The following PIGU variants were observed in gnomAD, a reference collection of about 807,000 sequenced individuals.
PIGU encodes phosphatidylinositol glycan anchor biosynthesis class U.
In PIGU, 24 loss-of-function variants were observed where a neutral mutation model predicts 49.9. The observed-to-expected ratio is 0.48, with a 90% CI of 0.35 to 0.68. PIGU has a LOEUF of 0.68. Among genes scored for constraint, PIGU ranks in the 30% least tolerant of loss-of-function variants. The pLI, the probability that PIGU is intolerant of heterozygous loss-of-function variation, is 0.01. For missense variants in PIGU, 490 were observed against 532.6 expected, an observed-to-expected ratio of 0.92 and a Z score of 0.79; for synonymous variants, 220 against 205.7, an observed-to-expected ratio of 1.07 and a Z score of -0.59.
At chr20:34,571,593 G>T (rs1983015048) in intron 11 of PIGU, among the ~76,000 whole-genome samples, 1 of 152,106 alleles carries the variant, frequency 6.6e-6, no homozygotes, top group South Asian at 2.1e-4. Context: ...CTCACAGCAG[G>T]ATATGGAACT....
intron 8 of PIGU, 84 bp from the exon 9 acceptor site, chr20:34,585,664 G>C: frequency 6.7e-7 from 1 of 1,495,700 alleles, no homozygotes; most frequent in Non-Finnish European, 9.1e-7. Flanking sequence ...TGAAGACTTT[G>C]GTCACTGCTG....
chr20:34,568,321 C>A (rs1473034461), intron 11 of PIGU, among the ~76,000 whole-genome samples: 2 of 152,132 alleles, frequency 1.3e-5, no homozygotes, highest in Non-Finnish European at 2.9e-5. Flanking sequence ...ATGCTCAGTG[C>A]TGGAAGGACA....
At chr20:34,591,259 AAC>A (rs1434221731) in intron 7 of PIGU, among the ~76,000 whole-genome samples, 1 of 152,192 alleles carries the variant, frequency 6.6e-6, no homozygotes, top group East Asian at 1.9e-4. Flanking sequence ...TGTAACTAAT[AAC>A]AGTCTCAAAA....
intron 5 of PIGU, among the ~76,000 whole-genome samples, chr20:34,637,046 A>G (rs977717721): frequency 1.3e-5 from 2 of 152,194 alleles, no homozygotes; most frequent in East Asian, 1.9e-4. Context: ...GTCCAAAACT[A>G]TTTGGTGGGA....
chr20:34,639,204 A>G (rs1294702505), intron 4 of PIGU, among the ~76,000 whole-genome samples: 1 of 152,128 alleles, frequency 6.6e-6, no homozygotes, highest in Non-Finnish European at 1.5e-5. Flanking sequence ...GATCGAGACC[A>G]TCCTGGCTAA....
In PIGU at chr20:34,630,046, A is replaced by C. The variant is rs114111054; in HGVS notation, c.529+4569T>G. On this transcript the variant is annotated intron_variant, in intron 6 of 11. Transcript: ENST00000217446. ...CAACTCACCCCACAGAACTTCTGAGAAATTCAGCACTAGAGTGCATCAGGT... is the reference window on the plus strand; with the variant it reads ...CAACTCACCCCACAGAACTTCTGAGCAATTCAGCACTAGAGTGCATCAGGT... Among the ~76,000 whole-genome samples, 1,171 of 152,316 alleles carry C rather than the reference A, an allele frequency of 7.7e-3. 18 individuals are homozygous for C. Among genetic ancestry groups the C allele is most frequent in the African/African-American group, 0.027 (1,127 of 41,566 alleles).
intron 5 of PIGU, among the ~76,000 whole-genome samples, chr20:34,635,895 T>A (rs1985945385): frequency 7.2e-6 from 1 of 138,198 alleles, no homozygotes; most frequent in East Asian, 2.2e-4. Context: ...AAAGAACAGA[T>A]AATAAAAAAT....
chr20:34,575,530 G>A (rs537861906), intron 10 of PIGU, among the ~76,000 whole-genome samples: 2 of 152,168 alleles, frequency 1.3e-5, no homozygotes, highest in East Asian at 1.9e-4. Context: ...TGAGTGCCTC[G>A]GGGCACCAAA....
In PIGU at chr20:34,585,360, C is replaced by T. The variant is rs1022981536; in HGVS notation, c.926+77G>A. 5 of 1,493,330 alleles carry T rather than the reference C, an allele frequency of 3.3e-6. No individual in the cohort carries two copies. The Admixed American group carries it at 1.0e-4, about 31-fold the overall frequency. 92.5% of individuals were successfully genotyped at this position (1,493,330 alleles called of 1,614,324 possible). A position where few individuals can be genotyped will look rare whatever the true frequency, so the allele number is the denominator to read the frequency against. ...ACAGCAGGTGCTCCACATTTGAAGGCCACCCTCAAGGCTACTAGAGGCAGG... is the reference window on the plus strand; with the variant it reads ...ACAGCAGGTGCTCCACATTTGAAGGTCACCCTCAAGGCTACTAGAGGCAGG... On this transcript the variant is annotated intron_variant, in intron 9 of 11. Transcript: ENST00000217446.
Position 34,641,788 on chromosome 20 carries a change from A to C in PIGU, c.318+2376T>G, listed in dbSNP as rs563138024. Among the ~76,000 whole-genome samples, 3 of 152,356 alleles carry C rather than the reference A, an allele frequency of 2.0e-5. No individual in the cohort carries two copies. In the East Asian group the frequency reaches 5.8e-4, roughly 29 times the overall value. ...AGGAAGACATGCTGCTATCCTACCT[A>C]AATCAACAGTAGTATGTTAGTATCA... On this transcript the variant is annotated intron_variant, in intron 4 of 11. Transcript: ENST00000217446.
intron 4 of PIGU, among the ~76,000 whole-genome samples, chr20:34,638,628 A>G (rs1364818086): frequency 6.6e-6 from 1 of 152,254 alleles, no homozygotes. Context: ...CAAGCAAGGT[A>G]GAATGATCCC....
intron 5 of PIGU, among the ~76,000 whole-genome samples, chr20:34,637,259 G>A (rs2146763198): frequency 6.6e-6 from 1 of 152,164 alleles, no homozygotes; most frequent in Non-Finnish European, 1.5e-5. Flanking sequence ...CCTAGAAACT[G>A]GTATATTATT....
intron 6 of PIGU, among the ~76,000 whole-genome samples, chr20:34,630,608 C>T (rs1274993714): frequency 3.3e-5 from 5 of 152,234 alleles, no homozygotes; most frequent in South Asian, 2.1e-4. Context: ...TGCCCATGCA[C>T]GGAGTCTCCA....
intron 7 of PIGU, among the ~76,000 whole-genome samples, chr20:34,602,665 A>C (rs1354320089): frequency 6.6e-6 from 1 of 152,250 alleles, no homozygotes; most frequent in East Asian, 1.9e-4. Flanking sequence ...TGATGCCCTA[A>C]AAACTCTATC....
At chr20:34,674,254 C>T (rs1853056) in intron 1 of PIGU, among the ~76,000 whole-genome samples, 63,201 of 151,346 alleles carry the variant, frequency 0.42, 13,647 homozygotes, top group Admixed American at 0.57. Context: ...ACCCAAGAGG[C>T]TGAGACGAGA....
chr20:34,596,055 G>A (rs1984186866), intron 7 of PIGU, among the ~76,000 whole-genome samples: 1 of 152,168 alleles, frequency 6.6e-6, no homozygotes, highest in South Asian at 2.1e-4. Flanking sequence ...AACAAAAAAA[G>A]TTACAGTGGA....
Position 34,618,505 on chromosome 20 carries a change from G to A in PIGU, c.530-2366C>T, listed in dbSNP as rs150273768. Among the ~76,000 whole-genome samples, 1,241 of 152,252 alleles carry A rather than the reference G, an allele frequency of 8.2e-3. 21 individuals carry two copies. Among genetic ancestry groups the A allele is most frequent in the African/African-American group, 0.029 (1,191 of 41,520 alleles). ...ACTATTTACTGAAAATAACAGGCGGGGCATGGTGGTTCACAAATGTAATCC... is the reference window on the plus strand; with the variant it reads ...ACTATTTACTGAAAATAACAGGCGGAGCATGGTGGTTCACAAATGTAATCC... On this transcript the variant is annotated intron_variant, in intron 6 of 11. Coordinates refer to ENST00000217446, the MANE Select transcript of PIGU (RefSeq NM_080476.5).
At chr20:34,576,719 T>C (rs1177110889) in intron 10 of PIGU, among the ~76,000 whole-genome samples, 1 of 152,190 alleles carries the variant, frequency 6.6e-6, no homozygotes, top group Non-Finnish European at 1.5e-5. Flanking sequence ...ATTCCTGGGC[T>C]CCAGGGATCC....
intron 7 of PIGU, among the ~76,000 whole-genome samples, chr20:34,615,427 G>T (rs1428856912): frequency 6.6e-6 from 1 of 152,198 alleles, no homozygotes; most frequent in Non-Finnish European, 1.5e-5. Context: ...GGGATCACTA[G>T]TTGAGAAAAG....
Sources: allele counts gnomAD v4.1 joint callset (sites outside exome capture counted in the v4.1 genomes callset), GRCh38; gene constraint gnomAD v4.1.1; transcripts MANE v1.5; gene names NCBI Gene and HGNC (gene_info 2026-07-23, HGNC 2026-07-21).